The following CELF4 variants were observed in gnomAD, a reference collection of about 807,000 sequenced individuals.
CELF4 encodes CUGBP Elav-like family member 4.
CELF4 carries 18 observed loss-of-function variants against 59.9 expected under a neutral mutation model. The observed-to-expected ratio is 0.30, with a 90% CI of 0.21 to 0.45. The LOEUF is 0.45. Ranked by LOEUF, CELF4 falls within the 20% of genes least tolerant of loss-of-function variation. The probability of loss-of-function intolerance (pLI) is 1.00; values close to 1 mark genes in which losing one functional copy is unlikely to be tolerated. For synonymous variants in CELF4, 261 were observed against 267.1 expected, an observed-to-expected ratio of 0.98 and a Z score of 0.22; for missense variants, 456 against 689.0, an observed-to-expected ratio of 0.66 and a Z score of 3.79.
At chr18:37,403,615 C>T (rs1422359379) in intron 2 of CELF4, among the ~76,000 whole-genome samples, 1 of 152,132 alleles carries the variant, frequency 6.6e-6, no homozygotes, top group Non-Finnish European at 1.5e-5. Context: ...CCTGGCCCAG[C>T]TGTGCCTGAC....
chr18:37,321,586 C>T (rs921063996), intron 3 of CELF4, among the ~76,000 whole-genome samples: 6 of 152,168 alleles, frequency 3.9e-5, no homozygotes, highest in Admixed American at 6.5e-5. Context: ...ACGCATAAAC[C>T]GCACCGTCTG....
intron 2 of CELF4, among the ~76,000 whole-genome samples, chr18:37,425,054 C>A (rs1277689162): frequency 2.6e-5 from 4 of 152,196 alleles, no homozygotes; most frequent in Admixed American, 2.6e-4. Context: ...TGGTCACATC[C>A]TATATTGCTG....
chr18:37,532,175 C>T (rs142081534), intron 1 of CELF4, among the ~76,000 whole-genome samples: 2 of 152,334 alleles, frequency 1.3e-5, no homozygotes, highest in African/African-American at 4.8e-5. Flanking sequence ...TTCTGCTGAT[C>T]TTTGCATTTC....
At chr18:37,299,593 CT>C (rs1192074347) in intron 3 of CELF4, among the ~76,000 whole-genome samples, 1 of 152,220 alleles carries the variant, frequency 6.6e-6, no homozygotes, top group Non-Finnish European at 1.5e-5. Flanking sequence ...GCGGGCTCGG[CT>C]GTCTCCTGCG....
chr18:37,365,523 T>C (rs532769746), intron 2 of CELF4, among the ~76,000 whole-genome samples: 75 of 143,632 alleles, frequency 5.2e-4, no homozygotes, highest in Middle Eastern at 7.6e-3. Context: ...TCTTGTTCTG[T>C]CACCCAGGCT....
rs143533070 is a variant in CELF4, at chr18:37,382,127, C to T, written c.370-60246G>A. On this transcript the variant is annotated intron_variant, in intron 2 of 12. Coordinates refer to ENST00000420428, the MANE Select transcript of CELF4 (RefSeq NM_020180.4). ...ACATTTACTTAGAGCTTATCATGTG[C>T]TGGCACTGACTGTTCTAAGTGCTTG... Among the ~76,000 whole-genome samples, 100 of 152,328 alleles carry T rather than the reference C, an allele frequency of 6.6e-4. No individual in the cohort carries two copies. In the East Asian group the frequency reaches 0.017, roughly 27 times the overall value.
chr18:37,565,592 C>T lies in CELF4; in HGVS notation c.50G>A (p.Ser17Asn). 3.1e-6 allele frequency: 5 copies of T among 1,611,158 alleles called. No individual in the cohort carries two copies. The highest frequency in any genetic ancestry group is 4.2e-6 in the Non-Finnish European group (5 of 1,178,132). ...TLANGQADNA[S>N]LSTNGLGSSP... ...GCTGCCGAGCCCGTTGGTACTGAGG[C>T]TTGCGTTGTCAGCCTGTCCGTTTGC... The change falls in exon 1 of 13, where the codon AGC (serine) becomes AAC (asparagine). Residue 17 changes from serine (S) to asparagine (N), a missense_variant. Coordinates refer to ENST00000420428, the MANE Select transcript of CELF4 (RefSeq NM_020180.4).
chr18:37,350,996 C>G (rs1365693253), intron 2 of CELF4, among the ~76,000 whole-genome samples: 2 of 152,226 alleles, frequency 1.3e-5, no homozygotes, highest in Non-Finnish European at 2.9e-5. Context: ...CCCAAGTCTC[C>G]CTGTCGGTCA....
intron 2 of CELF4, among the ~76,000 whole-genome samples, chr18:37,348,856 G>A (rs1427011619): frequency 6.6e-6 from 1 of 152,136 alleles, no homozygotes; most frequent in Non-Finnish European, 1.5e-5. Flanking sequence ...AGAGGAAGAA[G>A]CAGTCACTCA....
At chr18:37,522,410 A>ACTAATTTC (rs2099958531) in intron 1 of CELF4, among the ~76,000 whole-genome samples, 1 of 152,172 alleles carries the variant, frequency 6.6e-6, no homozygotes, top group Admixed American at 6.5e-5. Flanking sequence ...GCTGAGATGG[A>ACTAATTTC]AGAGGGACTG....
intron 2 of CELF4, among the ~76,000 whole-genome samples, chr18:37,355,952 T>C (rs910969864): frequency 2.6e-5 from 4 of 152,104 alleles, no homozygotes; most frequent in African/African-American, 9.7e-5. Context: ...CCTGGAGGCA[T>C]CTGTTCTGAG....
At chr18:37,514,629 TAAAC>T (rs1306870012) in intron 1 of CELF4, among the ~76,000 whole-genome samples, 4 of 152,076 alleles carry the variant, frequency 2.6e-5, no homozygotes, top group Non-Finnish European at 2.9e-5. Context: ...GCCTGGGCGG[TAAAC>T]AAACAACTTC....
intron 2 of CELF4, among the ~76,000 whole-genome samples, chr18:37,440,227 G>A (rs1313158963): frequency 6.6e-6 from 1 of 152,210 alleles, no homozygotes; most frequent in East Asian, 1.9e-4. Flanking sequence ...TGGCTGGGGG[G>A]CCTCGGTGAG....
chr18:37,456,889 C>T (rs1346201624), intron 2 of CELF4, among the ~76,000 whole-genome samples: 2 of 152,144 alleles, frequency 1.3e-5, no homozygotes, highest in African/African-American at 4.8e-5. Context: ...ACTCCTCCAG[C>T]CCCAGGCCTG....
chr18:37,482,351 C>T (rs946881719), intron 2 of CELF4, among the ~76,000 whole-genome samples: 14 of 151,896 alleles, frequency 9.2e-5, no homozygotes, highest in African/African-American at 3.1e-4. Flanking sequence ...AGTATGAGGG[C>T]GAGAGAGGCA....
At chr18:37,485,788 T>C (rs1438804876) in intron 1 of CELF4, 181 bp from the exon 2 acceptor site, 1 of 388,396 alleles carries the variant, frequency 2.6e-6, no homozygotes, top group East Asian at 3.7e-5. Context: ...CCCGGCTGTC[T>C]GCCTCTCGTA....
At chr18:37,409,458 A>G (rs1285813368) in intron 2 of CELF4, among the ~76,000 whole-genome samples, 1 of 151,952 alleles carries the variant, frequency 6.6e-6, no homozygotes, top group Non-Finnish European at 1.5e-5. Context: ...GTTTTGGGAC[A>G]CCCCTTGCTG....
chr18:37,411,768 G>A (rs2099462119), intron 2 of CELF4, among the ~76,000 whole-genome samples: 1 of 152,206 alleles, frequency 6.6e-6, no homozygotes, highest in Non-Finnish European at 1.5e-5. Context: ...GCAGGCAGGA[G>A]ATGAGGCGGG....
chr18:37,506,879 C>T (rs1004655283), intron 1 of CELF4, among the ~76,000 whole-genome samples: 1 of 152,230 alleles, frequency 6.6e-6, no homozygotes, highest in Non-Finnish European at 1.5e-5. Context: ...TTCCATCCTC[C>T]GTCTCATCTG....
Sources: allele counts gnomAD v4.1 joint callset (sites outside exome capture counted in the v4.1 genomes callset), GRCh38; gene constraint gnomAD v4.1.1; transcripts MANE v1.5; gene names NCBI Gene and HGNC (gene_info 2026-07-23, HGNC 2026-07-21).